USP39: variants seen among roughly 807,000 people sequenced by gnomAD.
USP39 encodes the protein ubiquitin specific peptidase 39.
Under a neutral mutation model 66.4 loss-of-function variants are expected in USP39, and 38 were observed. That is an observed-to-expected ratio of 0.57 (90% CI 0.44 to 0.75). The LOEUF (loss-of-function observed/expected upper bound fraction) is 0.75, where lower values mean the gene tolerates loss of function less well. USP39 is among the 30% of genes least tolerant of loss of function. The probability of loss-of-function intolerance (pLI) is 0.00; values close to 1 mark genes in which losing one functional copy is unlikely to be tolerated. For synonymous variants in USP39, 303 were observed against 274.6 expected (o/e 1.10, Z -1.02); for missense variants, 608 against 714.4 (o/e 0.85, Z 1.70).
In USP39 at chr2:85,648,917, C is replaced by T. The variant is rs1573459140; in HGVS notation, c.*109C>T. Reference sequence around the variant, plus strand: ...GGCTGGTGGGCTTCCTAGGCCAGCCCAGCTTGTATGGGTTCTGGCTACACC... The same window carrying T: ...GGCTGGTGGGCTTCCTAGGCCAGCCTAGCTTGTATGGGTTCTGGCTACACC... On this transcript the variant is annotated 3_prime_UTR_variant, in exon 13 of 13. Coordinates refer to ENST00000323701, the MANE Select transcript of USP39 (RefSeq NM_006590.4). 7.6e-7 allele frequency: 1 copy of T among 1,316,062 alleles called. No homozygotes were observed. Among genetic ancestry groups the T allele is most frequent in the Non-Finnish European group, 1.1e-6 (1 of 923,606 alleles). The allele number at this position is 1,316,062 out of a possible 1,614,324, so 81.5% of individuals were successfully genotyped here. A position where few individuals can be genotyped will look rare whatever the true frequency, so the allele number is the denominator to read the frequency against.
intron 7 of USP39, among the ~76,000 whole-genome samples, chr2:85,636,371 G>A (rs1675775328): frequency 6.6e-6 from 1 of 152,088 alleles, no homozygotes; most frequent in African/African-American, 2.4e-5. Flanking sequence ...GGGAGGCTGA[G>A]GCAACTTCCC....
chr2:85,623,904 C>T, intron 4 of USP39, 122 bp downstream of exon 4: 2 of 1,177,418 alleles, frequency 1.7e-6, no homozygotes, highest in Non-Finnish European at 2.3e-6. Context: ...CGAGAGGCTG[C>T]TTTCTCTTTT....
intron 5 of USP39, among the ~76,000 whole-genome samples, chr2:85,625,917 C>G (rs1375784531): frequency 6.6e-6 from 1 of 151,796 alleles, no homozygotes; most frequent in Non-Finnish European, 1.5e-5. Context: ...ATTTGGCAGG[C>G]TGAGGTGGGA....
At position 85,616,523 on chromosome 2, in the gene USP39, T is replaced by A. The variant is rs1573388734; in HGVS notation, c.268+60T>A. On this transcript the variant is annotated intron_variant, in intron 1 of 12. Transcript: ENST00000323701. ...CTGTTTTTTTCGCGTCCTTTTTTCT[T>A]GTCTCTAATCTTCCGCTAGGTCACT... 2.4e-6 allele frequency: 3 copies of A among 1,241,676 alleles called. No homozygotes were observed. In the East Asian group the frequency reaches 1.3e-4, roughly 55 times the overall value. The allele number at this position is 1,241,676 out of a possible 1,614,324, so 76.9% of individuals were successfully genotyped here. A position where few individuals can be genotyped will look rare whatever the true frequency, so the allele number is the denominator to read the frequency against.
intron 6 of USP39, among the ~76,000 whole-genome samples, chr2:85,632,108 C>T (rs191829241): frequency 2.0e-5 from 3 of 152,222 alleles, no homozygotes; most frequent in East Asian, 1.9e-4. Flanking sequence ...ATGAGTAAAG[C>T]GGACAGTGTA....
At chr2:85,606,113 CA>C (rs1673202910) in intron 1 of USP39, among the ~76,000 whole-genome samples, 1 of 152,186 alleles carries the variant, frequency 6.6e-6, no homozygotes, top group Admixed American at 6.5e-5. Context: ...TTAAATTCAG[CA>C]AGCGAAGAAC....
intron 7 of USP39, 39 bp downstream of exon 7, chr2:85,636,169 C>G: frequency 6.2e-7 from 1 of 1,601,074 alleles, no homozygotes; most frequent in Non-Finnish European, 8.5e-7. Context: ...ATTTTGTTCC[C>G]TTTTAAAAAA....
intron 10 of USP39, among the ~76,000 whole-genome samples, chr2:85,643,992 G>C (rs1008697866): frequency 6.6e-6 from 1 of 152,140 alleles, no homozygotes; most frequent in Non-Finnish European, 1.5e-5. Flanking sequence ...CAGTCTGACT[G>C]CATCATATAT....
In USP39 at chr2:85,620,903, C is replaced by G. The variant is rs376090052; in HGVS notation, c.339-582C>G. Among the ~76,000 whole-genome samples the G allele has an allele frequency of 1.1e-4, 16 of 152,218 alleles. No individual in the cohort carries two copies. In the East Asian group the frequency reaches 1.9e-3, roughly 18 times the overall value. On this transcript the variant is annotated intron_variant, in intron 2 of 12. Transcript: ENST00000323701. The stretch of plus-strand genomic sequence containing the variant: ...CCTTACTGCCAGTACTCACTTTGCA[C>G]TTGAATAAATAGGTCTGTTTATAGG...
upstream of USP39, chr2:85,609,218 C>T: frequency 7.7e-7 from 1 of 1,292,688 alleles, no homozygotes; most frequent in Non-Finnish European, 1.1e-6. Context: ...AATAGTGATT[C>T]TCCACTGGGG....
At chr2:85,629,985 T>C (rs1236651500) in intron 5 of USP39, among the ~76,000 whole-genome samples, 1 of 151,868 alleles carries the variant, frequency 6.6e-6, no homozygotes, top group African/African-American at 2.4e-5. Context: ...AAAATTTCAG[T>C]AGGTTTTTGG....
At chr2:85,644,495 G>A (rs182926891) in intron 10 of USP39, among the ~76,000 whole-genome samples, 1 of 152,166 alleles carries the variant, frequency 6.6e-6, no homozygotes, top group Admixed American at 6.5e-5. Context: ...GCAATAGTGT[G>A]GTCCTGGCTC....
upstream of USP39, chr2:85,611,650 C>A (rs1254086633): frequency 1.3e-6 from 2 of 1,555,718 alleles, no homozygotes; most frequent in African/African-American, 2.7e-5. Context: ...TGGAGGCAGG[C>A]GGGGCGGGCG....
intron 1 of USP39, chr2:85,603,283 A>G (rs1282624249): frequency 3.3e-5 from 5 of 152,272 alleles, no homozygotes; most frequent in Non-Finnish European, 5.9e-5. Flanking sequence ...TTTCCTGCAT[A>G]CAAGTACACA....
intron 6 of USP39, among the ~76,000 whole-genome samples, chr2:85,634,746 C>A (rs1407973924): frequency 6.6e-6 from 1 of 152,072 alleles, no homozygotes; most frequent in Non-Finnish European, 1.5e-5. Context: ...ATTAAGGCTG[C>A]AAGAAAGGAA....
chr2:85,624,889 G>C (rs1412959327), intron 4 of USP39, among the ~76,000 whole-genome samples: 1 of 151,970 alleles, frequency 6.6e-6, no homozygotes, highest in East Asian at 1.9e-4. Context: ...CTTGAATCTG[G>C]GAGGGGGAGG....
chr2:85,612,051 C>T (rs988625945), upstream of USP39: 4 of 1,209,624 alleles, frequency 3.3e-6, no homozygotes, highest in African/African-American at 3.1e-5. Flanking sequence ...GCCCACAGAG[C>T]TCCGCGCCGC....
chr2:85,603,595 CTT>C (rs767019412), intron 1 of USP39, among the ~76,000 whole-genome samples: 7 of 143,056 alleles, frequency 4.9e-5, no homozygotes, highest in Non-Finnish European at 1.5e-5. Context: ...TTTTCTTTTT[CTT>C]TTTTTTTTTT....
At chr2:85,639,118 T>C in intron 8 of USP39, 85 bp from the exon 9 acceptor site, 1 of 1,334,498 alleles carries the variant, frequency 7.5e-7, no homozygotes, top group Non-Finnish European at 1.0e-6. Context: ...ATGAAGGAAA[T>C]GTCGGCGTGG....
Sources: gnomAD v4.1 joint callset for allele counts (sites outside exome capture counted in the v4.1 genomes callset) on GRCh38, gnomAD v4.1.1 for gene constraint, MANE v1.5 for transcripts, NCBI Gene and HGNC (gene_info 2026-07-23, HGNC 2026-07-21) for gene names.